The following GIMD1 variants were observed in gnomAD, a reference collection of about 807,000 sequenced individuals.
GIMD1 encodes GIMAP family P-loop NTPase domain containing 1, also known as GTPase IMAP family member GIMD1.
GIMD1 carries 14 observed loss-of-function variants against 14.9 expected under a neutral mutation model. The observed-to-expected ratio is 0.94, with a 90% CI of 0.62 to 1.47. GIMD1 has a LOEUF of 1.47. Among genes scored for constraint, GIMD1 ranks in the 40% most tolerant of loss-of-function variants. GIMD1 has a pLI of 0.00. For synonymous variants in GIMD1, 91 were observed against 90.5 expected (o/e 1.01, Z -0.03); for missense variants, 272 against 255.3 (o/e 1.07, Z -0.44).
At chr4:106,359,954 A>T (rs1770591014) in intron 2 of GIMD1, among the ~76,000 whole-genome samples, 1 of 152,044 alleles carries the variant, frequency 6.6e-6, no homozygotes, top group East Asian at 1.9e-4. Flanking sequence ...CTTCATAGTG[A>T]ACTCTTTGAA....
Position 106,367,445 on chromosome 4 carries a change from A to G in GIMD1, c.-2-8T>C, listed in dbSNP as rs1432767273. On this transcript the variant is annotated splice_region_variant and splice_polypyrimidine_tract_variant and intron_variant, in intron 1 of 2. Coordinates refer to ENST00000638719, the MANE Select transcript of GIMD1 (RefSeq NM_001195138.2). ...TGTTGGGGTCTGTCATGGCTGTAGG[A>G]AAACAAAGGCATAGCACGCATAATT... The G allele has an allele frequency of 2.0e-6, 3 of 1,520,770 alleles. No homozygotes were observed. The highest frequency in any genetic ancestry group is 1.8e-6 in the Non-Finnish European group (2 of 1,137,432). The allele number at this position is 1,520,770 out of a possible 1,614,324, so 94.2% of individuals were successfully genotyped here.
intron 2 of GIMD1, among the ~76,000 whole-genome samples, chr4:106,359,912 A>T (rs1035274807): frequency 2.0e-5 from 3 of 151,898 alleles, no homozygotes; most frequent in Admixed American, 6.6e-5. Flanking sequence ...GGCTTTTATC[A>T]GATTCATTTA....
At chr4:106,366,551 CG>C (rs1409165410) in intron 2 of GIMD1, among the ~76,000 whole-genome samples, 1 of 152,106 alleles carries the variant, frequency 6.6e-6, no homozygotes, top group Non-Finnish European at 1.5e-5. Context: ...TTAAGTTCAA[CG>C]GTTCTACGAC....
Position 106,362,893 on chromosome 4 carries a change from T to C in GIMD1, c.393+4150A>G, listed in dbSNP as rs1229429476. On this transcript the variant is annotated intron_variant, in intron 2 of 2. Coordinates refer to ENST00000638719, the MANE Select transcript of GIMD1 (RefSeq NM_001195138.2). ...AAACTGCCTCATTTTACAGATGAGG[T>C]ATTGAGGACTTACGGTGTTAAATGA... Among the ~76,000 whole-genome samples the C allele has an allele frequency of 4.0e-5, 6 of 149,170 alleles. 1 individual carries two copies. Among genetic ancestry groups the C allele is most frequent in the African/African-American group, 1.5e-4 (6 of 40,156 alleles).
At position 106,367,416 on chromosome 4, in the gene GIMD1, A is replaced by G; in HGVS notation, c.20T>C (p.Met7Thr). ...GCCAAAGAGGGCCAAGTTGATGATC[A>G]TCTTGTTGGGGTCTGTCATGGCTGT... MTDPNK[M>T]IINLALFGMT... is the part of the protein sequence containing the mutation. The change falls in exon 2 of 3, where the codon ATG becomes ACG. Residue 7 changes from methionine to threonine, a missense_variant. By Grantham distance (81) the Met-to-Thr change is moderately conservative. Transcript: ENST00000638719. The G allele has an allele frequency of 2.6e-6, 4 of 1,533,964 alleles. No homozygotes were observed. Among genetic ancestry groups the G allele is most frequent in the Non-Finnish European group, 3.5e-6 (4 of 1,145,490 alleles).
intron 2 of GIMD1, 120 bp downstream of exon 2, chr4:106,366,923 T>C (rs1051688985): frequency 6.4e-6 from 2 of 314,416 alleles, no homozygotes; most frequent in African/African-American, 4.4e-5. Flanking sequence ...TATTATGTAC[T>C]ATATTATTAT....
Position 106,358,219 on chromosome 4 carries a change from T to C in GIMD1, c.618A>G (p.Ile206Met), listed in dbSNP as rs922827937. ...MKILERIMEF[I>M]KENCYQVLTF... ...TAAGAACTTGGTAACAGTTCTCTTT[T>C]ATAAATTCCATGATTCTTTCTAAGA... The change falls in exon 3 of 3, where the codon ATA (isoleucine) becomes ATG (methionine). Residue 206 changes from isoleucine (I) to methionine (M), a missense_variant. Transcript: ENST00000638719. The C allele has an allele frequency of 6.6e-7, 1 of 1,511,632 alleles. No homozygotes were observed. The highest frequency in any genetic ancestry group is 8.8e-7 in the Non-Finnish European group (1 of 1,134,386). 93.6% of individuals were successfully genotyped at this position (1,511,632 alleles called of 1,614,324 possible). A position where few individuals can be genotyped will look rare whatever the true frequency, so the allele number is the denominator to read the frequency against.
intron 2 of GIMD1, among the ~76,000 whole-genome samples, chr4:106,359,519 T>C (rs1408450310): frequency 6.6e-6 from 1 of 151,912 alleles, no homozygotes; most frequent in Non-Finnish European, 1.5e-5. Flanking sequence ...TTGTGGGAGA[T>C]ACTATTATTA....
intron 2 of GIMD1, among the ~76,000 whole-genome samples, chr4:106,365,659 C>T (rs1770686494): frequency 6.6e-6 from 1 of 152,006 alleles, no homozygotes; most frequent in East Asian, 1.9e-4. Flanking sequence ...GACCTGGTGT[C>T]TCTGAGCTCA....
At chr4:106,365,344 T>C (rs538230001) in intron 2 of GIMD1, among the ~76,000 whole-genome samples, 1 of 152,110 alleles carries the variant, frequency 6.6e-6, no homozygotes, top group African/African-American at 2.4e-5. Flanking sequence ...TATGCTCCTG[T>C]CACCCTGATT....
intron 1 of GIMD1, among the ~76,000 whole-genome samples, chr4:106,368,220 T>A (rs1561042565): frequency 6.6e-6 from 1 of 152,160 alleles, no homozygotes; most frequent in Non-Finnish European, 1.5e-5. Flanking sequence ...GGGAGAATCT[T>A]GGGAGAATCT....
chr4:106,365,938 T>TAC (rs74949934), intron 2 of GIMD1, among the ~76,000 whole-genome samples: 2,673 of 148,400 alleles, frequency 0.018, 31 homozygotes, highest in Non-Finnish European at 0.026. Flanking sequence ...TACACACACG[T>TAC]ACACACACAC....
chr4:106,358,215 C>T lies in GIMD1; in HGVS notation c.622G>A (p.Glu208Lys), dbSNP rs764789416. 1 of 1,509,566 alleles carries T rather than the reference C, an allele frequency of 6.6e-7. No homozygotes were observed. The highest frequency in any genetic ancestry group is 8.8e-7 in the Non-Finnish European group (1 of 1,133,068). The allele number at this position is 1,509,566 out of a possible 1,614,324, so 93.5% of individuals were successfully genotyped here. Residue 208 changes from glutamate to lysine, a missense_variant, in exon 3 of 3, where the codon GAG becomes AAG. Coordinates refer to ENST00000638719, the MANE Select transcript of GIMD1 (RefSeq NM_001195138.2). Reference sequence around the variant, plus strand: ...AATGTAAGAACTTGGTAACAGTTCTCTTTTATAAATTCCATGATTCTTTCT... The same window carrying T: ...AATGTAAGAACTTGGTAACAGTTCTTTTTTATAAATTCCATGATTCTTTCT... ...ILERIMEFIK[E>K]NCYQVLTFK
intron 2 of GIMD1, among the ~76,000 whole-genome samples, chr4:106,366,187 T>C (rs1770696630): frequency 6.6e-6 from 1 of 152,176 alleles, no homozygotes; most frequent in Non-Finnish European, 1.5e-5. Context: ...AGCAGTCACT[T>C]ATGCTACAAC....
At chr4:106,360,738 C>T (rs941734633) in intron 2 of GIMD1, among the ~76,000 whole-genome samples, 1 of 151,934 alleles carries the variant, frequency 6.6e-6, no homozygotes, top group Non-Finnish European at 1.5e-5. Flanking sequence ...TGGGCAAAGA[C>T]GCAAGTCCCG....
At chr4:106,364,602 A>G (rs1431933603) in intron 2 of GIMD1, among the ~76,000 whole-genome samples, 1 of 152,164 alleles carries the variant, frequency 6.6e-6, no homozygotes, top group Non-Finnish European at 1.5e-5. Flanking sequence ...CCGTAGCAGA[A>G]CCCTGGAATA....
chr4:106,365,263 C>A (rs1405020968), intron 2 of GIMD1, among the ~76,000 whole-genome samples: 3 of 152,130 alleles, frequency 2.0e-5, no homozygotes, highest in African/African-American at 7.2e-5. Flanking sequence ...TAATTGCAAT[C>A]ATCTTCTATT....
At chr4:106,366,558 A>T (rs1468260104) in intron 2 of GIMD1, among the ~76,000 whole-genome samples, 1 of 152,168 alleles carries the variant, frequency 6.6e-6, no homozygotes, top group Admixed American at 6.6e-5. Context: ...CAACGGTTCT[A>T]CGACCTGACT....
intron 2 of GIMD1, among the ~76,000 whole-genome samples, chr4:106,363,270 A>G (rs1010437793): frequency 6.6e-6 from 1 of 152,116 alleles, no homozygotes; most frequent in African/African-American, 2.4e-5. Context: ...TACCGTTGAA[A>G]GGGCATTAAT....
Sources: gnomAD v4.1 joint callset for allele counts (sites outside exome capture counted in the v4.1 genomes callset) on GRCh38, gnomAD v4.1.1 for gene constraint, MANE v1.5 for transcripts, NCBI Gene and HGNC (gene_info 2026-07-23, HGNC 2026-07-21) for gene names.